Variants in RNF213 observed in about 807,000 individuals in gnomAD.
RNF213 encodes E3 ubiquitin-protein ligase RNF213.
A neutral mutation model predicts 514.4 loss-of-function variants in RNF213; 341 were observed. That is an observed-to-expected ratio of 0.66 (90% CI 0.61 to 0.73). RNF213 has a LOEUF of 0.73. Among genes scored for constraint, RNF213 ranks in the 30% least tolerant of loss-of-function variants. RNF213 has a pLI of 0.00. For synonymous variants in RNF213, 2,655 were observed against 2,658.2 expected, an observed-to-expected ratio of 1.00 and a Z score of 0.04; for missense variants, 5,767 against 6,615.6, an observed-to-expected ratio of 0.87 and a Z score of 4.45.
In RNF213 at chr17:80,386,867, G is replaced by A. The variant is rs768274164; in HGVS notation, c.14898G>A (p.Gln4966=). ...IQRQIVSRFL[Q]GKPRLSLKGI... is the part of the protein sequence containing the mutation. Reference sequence around the variant, plus strand: ...GGCAGATCGTCAGCCGCTTCCTCCAGGGCAAGCCCCGGCTGAGCCTCAAGG... The same window carrying A: ...GGCAGATCGTCAGCCGCTTCCTCCAAGGCAAGCCCCGGCTGAGCCTCAAGG... Residue 4966 remains glutamine, a synonymous_variant, in exon 63 of 68, where the codon CAG becomes CAA. Transcript: ENST00000582970. The A allele has an allele frequency of 1.9e-6, 3 of 1,613,572 alleles. No individual in the cohort carries two copies. Among genetic ancestry groups the A allele is most frequent in the East Asian group, 2.2e-5 (1 of 44,850 alleles).
intron 63 of RNF213, 143 bp downstream of exon 63, chr17:80,387,034 G>A (rs539655112): frequency 1.2e-6 from 1 of 813,938 alleles, no homozygotes; most frequent in Admixed American, 2.0e-5. Flanking sequence ...CAGCTCCCGA[G>A]GCCACCACGC....
At chr17:80,319,113 GA>G (rs2046049386) in intron 16 of RNF213, 76 bp from the exon 17 acceptor site, 2 of 1,612,786 alleles carry the variant, frequency 1.2e-6, no homozygotes, top group Non-Finnish European at 1.7e-6. Flanking sequence ...TAAAAATGAT[GA>G]AAGAATTTTC....
At chr17:80,310,554 A>T (rs1439440903) in intron 14 of RNF213, among the ~76,000 whole-genome samples, 2 of 149,582 alleles carry the variant, frequency 1.3e-5, no homozygotes, top group African/African-American at 4.9e-5. Context: ...CACCCAGCAC[A>T]ATTTTTTTTT....
At chr17:80,298,046 G>A (rs1272783083) in intron 10 of RNF213, among the ~76,000 whole-genome samples, 2 of 152,190 alleles carry the variant, frequency 1.3e-5, no homozygotes, top group Non-Finnish European at 2.9e-5. Context: ...AGGACCCTGC[G>A]TTGACTACTT....
At chr17:80,307,563 T>G (rs1418061537) in intron 13 of RNF213, among the ~76,000 whole-genome samples, 2 of 141,170 alleles carry the variant, frequency 1.4e-5, no homozygotes, top group South Asian at 2.2e-4. Flanking sequence ...TTGTTTGTTT[T>G]TTTGAGATGG....
rs769930443 is a variant in RNF213 at position 80,346,814 on chromosome 17, C to T, written c.8479C>T (p.Arg2827Cys). 1.9e-6 allele frequency: 3 copies of T among 1,614,118 alleles called. No homozygotes were observed. Among genetic ancestry groups the T allele is most frequent in the South Asian group, 1.1e-5 (1 of 91,072 alleles). Residue 2827 changes from arginine (R) to cysteine (C), a missense_variant, in exon 29 of 68, where the codon CGC becomes TGC. Arg to Cys is a radical substitution (Grantham distance 180). This residue lies in a region of RNF213 where 105 missense variants were observed against 183.9 expected (regional missense o/e 0.57). Transcript: ENST00000582970. This position sits in a 1 kb window ranked among gnomAD's most constrained non-coding sequence, Gnocchi z 8.1. ...GIISTFRQCA[R>C]FQQGKDLQQY... ...CATCAGCACCTTCCGGCAGTGCGCC[C>T]GCTTTCAGCAGGGGAAGGACCTGCA...
intron 3 of RNF213, among the ~76,000 whole-genome samples, chr17:80,283,278 A>T (rs1049338346): frequency 6.6e-6 from 1 of 152,038 alleles, no homozygotes; most frequent in African/African-American, 2.4e-5. Context: ...GTGGCAGTTC[A>T]CACGGGAAGA....
intron 23 of RNF213, chr17:80,336,907 A>C (rs2078002547): frequency 5.1e-6 from 1 of 197,574 alleles, no homozygotes; most frequent in Non-Finnish European, 1.1e-5. Flanking sequence ...TCTCAAAAAA[A>C]AGAAAAGAAA....
Position 80,317,134 on chromosome 17 carries a change from G to T in RNF213, c.2812-54G>T. On this transcript the variant is annotated intron_variant, in intron 15 of 67. Coordinates refer to ENST00000582970, the MANE Select transcript of RNF213 (RefSeq NM_001256071.3). This position sits in a 1 kb window ranked among gnomAD's most constrained non-coding sequence, Gnocchi z 4.1. ...TCTGTCTTTCTCCTTTCATGGGAGTGTGCCGTGGCATTTAGTCGTGAGAGT... is the reference window on the plus strand; with the variant it reads ...TCTGTCTTTCTCCTTTCATGGGAGTTTGCCGTGGCATTTAGTCGTGAGAGT... 2 of 1,557,250 alleles carry T rather than the reference G, an allele frequency of 1.3e-6. No homozygotes were observed. Among genetic ancestry groups the T allele is most frequent in the Non-Finnish European group, 1.8e-6 (2 of 1,137,938 alleles).
At position 80,314,889 on chromosome 17, in the gene RNF213, G is replaced by A. The variant is rs1411924775; in HGVS notation, c.2811+1722G>A. On this transcript the variant is annotated intron_variant, in intron 15 of 67. Transcript: ENST00000582970. ...GGTAATGGAGGTGATGGTGGTGGTG[G>A]AGGTGATGGTGGAGGTACTGGAGGT... Among the ~76,000 whole-genome samples the A allele has an allele frequency of 1.7e-3, 10 of 5,934 alleles. 4 individuals are homozygous for A. The highest frequency in any genetic ancestry group is 3.0e-3 in the Admixed American group (2 of 670). The allele number at this position is 5,934 out of a possible 152,430, so 3.9% of individuals were successfully genotyped here.
intron 57 of RNF213, 152 bp downstream of exon 57, chr17:80,381,879 C>T (rs984244224): frequency 4.2e-5 from 33 of 794,506 alleles, no homozygotes; most frequent in South Asian, 6.4e-5. Context: ...GAGAGAAAAC[C>T]GTGTCTAGGG....
intron 56 of RNF213, 103 bp downstream of exon 56, chr17:80,381,090 T>G: frequency 8.6e-7 from 1 of 1,157,432 alleles, no homozygotes; most frequent in Admixed American, 1.7e-5. Context: ...TCTATGCGTT[T>G]TGGAGATAAT....
At chr17:80,365,958 G>A (rs981374063) in intron 42 of RNF213, among the ~76,000 whole-genome samples, 6 of 152,312 alleles carry the variant, frequency 3.9e-5, no homozygotes, top group Admixed American at 3.9e-4. Context: ...CGATAAAATG[G>A]CCTCAGAAAC....
intron 46 of RNF213, 189 bp from the exon 47 acceptor site, chr17:80,371,685 G>A: frequency 2.0e-6 from 1 of 512,468 alleles, no homozygotes; most frequent in Non-Finnish European, 3.5e-6. Flanking sequence ...GGTCTAAAAT[G>A]TGAGTTTTAT....
In RNF213 at chr17:80,353,093, G is replaced by A; in HGVS notation, c.10423+34G>A. The A allele has an allele frequency of 6.2e-7, 1 of 1,607,564 alleles. No individual in the cohort carries two copies. The highest frequency in any genetic ancestry group is 8.5e-7 in the Non-Finnish European group (1 of 1,179,974). Reference sequence around the variant, plus strand: ...CGAGGCGGAGCCCCTGGGGGAGCAGGTGGTGGAAGGGCAGATGGCAGGTGT... The same window carrying A: ...CGAGGCGGAGCCCCTGGGGGAGCAGATGGTGGAAGGGCAGATGGCAGGTGT... On this transcript the variant is annotated intron_variant, in intron 33 of 67. Coordinates refer to ENST00000582970, the MANE Select transcript of RNF213 (RefSeq NM_001256071.3). This position sits in a 1 kb window ranked among gnomAD's most constrained non-coding sequence, Gnocchi z 5.0.
Position 80,347,241 on chromosome 17 carries a change from C to G in RNF213, c.8906C>G (p.Ala2969Gly). 6.2e-7 allele frequency: 1 copy of G among 1,613,322 alleles called. No homozygotes were observed. The highest frequency in any genetic ancestry group is 8.5e-7 in the Non-Finnish European group (1 of 1,179,732). ...AAAATGGTCTTTGCTGCAGCAAAGG[C>G]TTCAAATAGAAAGCCTTCCCCGCAA... Reference protein sequence around the residue: ...LIKMVFAAAKASNRKPSPQDI... With the variant: ...LIKMVFAAAKGSNRKPSPQDI... The change falls in exon 29 of 68, where the codon GCT (alanine) becomes GGT (glycine). Residue 2969 changes from alanine (A) to glycine (G), a missense_variant. This residue lies in a region of RNF213 where 919 missense variants were observed against 1,121.0 expected (regional missense o/e 0.82). Coordinates refer to ENST00000582970, the MANE Select transcript of RNF213 (RefSeq NM_001256071.3). The surrounding 1 kb of genome is among the most constrained non-coding windows in gnomAD (Gnocchi z 7.2).
At chr17:80,328,238 C>T (rs752977283) in intron 19 of RNF213, 90 bp from the exon 20 acceptor site, 142 of 1,383,688 alleles carry the variant, frequency 1.0e-4, no homozygotes, top group East Asian at 2.0e-4. Context: ...CTCCTGGTGG[C>T]GGGGAAGGTG....
intron 15 of RNF213, chr17:80,315,635 T>TG (rs2045887743): frequency 8.8e-6 from 1 of 113,396 alleles, no homozygotes; most frequent in Non-Finnish European, 1.8e-5. Context: ...GAGGTGATGG[T>TG]GGTGGTGGTA....
chr17:80,319,184 T>A lies in RNF213; in HGVS notation c.2902-6T>A. On this transcript the variant is annotated splice_region_variant and splice_polypyrimidine_tract_variant and intron_variant, in intron 16 of 67. Coordinates refer to ENST00000582970, the MANE Select transcript of RNF213 (RefSeq NM_001256071.3). ...CTCTGAAACCACCCCCCTTTGATTT[T>A]TGCAGGAGGAACCCCTCTCCCAGAT... The A allele has an allele frequency of 6.2e-7, 1 of 1,614,166 alleles. No homozygotes were observed. Among genetic ancestry groups the A allele is most frequent in the Non-Finnish European group, 8.5e-7 (1 of 1,180,032 alleles).
Sources: allele counts gnomAD v4.1 joint callset (sites outside exome capture counted in the v4.1 genomes callset), GRCh38; gene constraint gnomAD v4.1.1; regional missense constraint gnomAD v4.1.1; non-coding constraint Gnocchi (gnomAD v3.1); transcripts MANE v1.5; gene names NCBI Gene and HGNC (gene_info 2026-07-23, HGNC 2026-07-21).